The following NUP35 variants were observed in gnomAD, a reference collection of about 807,000 sequenced individuals.
NUP35 encodes nucleoporin 35.
A neutral mutation model predicts 41.5 loss-of-function variants in NUP35; 25 were observed. The ratio of observed to expected loss-of-function variants is 0.60; its 90% CI spans 0.44 to 0.84. NUP35 has a LOEUF of 0.84. Among genes scored for constraint, NUP35 ranks in the 40% least tolerant of loss-of-function variants. NUP35 has a pLI of 0.00. For missense variants in NUP35, 396 were observed against 396.6 expected, an observed-to-expected ratio of 1.00 and a Z score of 0.01; for synonymous variants, 149 against 130.7, an observed-to-expected ratio of 1.14 and a Z score of -0.96.
chr2:183,142,764 G>A (rs1162202714), intron 4 of NUP35, among the ~76,000 whole-genome samples: 1 of 151,928 alleles, frequency 6.6e-6, no homozygotes, highest in East Asian at 1.9e-4. Context: ...ACAGGTGTGA[G>A]CCACCATGCC....
intron 4 of NUP35, among the ~76,000 whole-genome samples, chr2:183,139,747 G>A (rs540316867): frequency 6.6e-6 from 1 of 152,330 alleles, no homozygotes; most frequent in Non-Finnish European, 1.5e-5. Flanking sequence ...GTCACCAAAA[G>A]GTGGAGGAGG....
chr2:183,156,864 A>G (rs1685683379), intron 5 of NUP35, among the ~76,000 whole-genome samples: 3 of 152,204 alleles, frequency 2.0e-5, no homozygotes, highest in African/African-American at 2.4e-5. Context: ...ACAGAACTTT[A>G]TAAAGAAGAA....
At chr2:183,142,146 A>G (rs928898815) in intron 4 of NUP35, among the ~76,000 whole-genome samples, 3 of 151,710 alleles carry the variant, frequency 2.0e-5, no homozygotes, top group Non-Finnish European at 2.9e-5. Context: ...AGAATTTATG[A>G]TATTTCTATG....
chr2:183,124,473 G>A lies in NUP35; in HGVS notation c.16G>A (p.Val6Met). The change falls in exon 1 of 9, where the codon GTG becomes ATG. Residue 6 changes from valine to methionine, a missense_variant. Coordinates refer to ENST00000295119, the MANE Select transcript of NUP35 (RefSeq NM_138285.5). MAAFA[V>M]EPQGPALGSE... is the part of the protein sequence containing the mutation. ...TGCCGACGCAATGGCAGCCTTTGCA[G>A]TGGAACCTCAGGGGCCCGCGTTAGG... The A allele has an allele frequency of 1.2e-6, 2 of 1,614,196 alleles. No homozygotes were observed. The highest frequency in any genetic ancestry group is 1.7e-6 in the Non-Finnish European group (2 of 1,180,018).
intron 4 of NUP35, among the ~76,000 whole-genome samples, chr2:183,135,021 G>A (rs1433085158): frequency 1.3e-5 from 2 of 152,040 alleles, no homozygotes; most frequent in East Asian, 3.8e-4. Flanking sequence ...CAGCAACTTT[G>A]TAACTCTTTG....
intron 4 of NUP35, among the ~76,000 whole-genome samples, chr2:183,144,693 G>C (rs1685215678): frequency 6.6e-6 from 1 of 152,136 alleles, no homozygotes; most frequent in African/African-American, 2.4e-5. Context: ...TGGTTTGATA[G>C]GCACACTTTA....
At chr2:183,150,509 C>T (rs142934462) in intron 4 of NUP35, among the ~76,000 whole-genome samples, 25 of 152,212 alleles carry the variant, frequency 1.6e-4, no homozygotes, top group African/African-American at 4.3e-4. Flanking sequence ...TGTTTTGCTT[C>T]CCTTGTCCTT....
chr2:183,145,040 T>C (rs544326807), intron 4 of NUP35, among the ~76,000 whole-genome samples: 1 of 152,296 alleles, frequency 6.6e-6, no homozygotes, highest in South Asian at 2.1e-4. Context: ...TTGTAGACTG[T>C]AGAAAATTTG....
At chr2:183,158,648 G>T (rs919712108) in intron 7 of NUP35, among the ~76,000 whole-genome samples, 1 of 152,062 alleles carries the variant, frequency 6.6e-6, no homozygotes, top group African/African-American at 2.4e-5. Flanking sequence ...AACTGAGAGG[G>T]CTTAAGTAAC....
At position 183,161,277 on chromosome 2, in the gene NUP35, A is replaced by G; in HGVS notation, c.*146A>G. The G allele has an allele frequency of 2.0e-6, 1 of 509,856 alleles. No individual in the cohort carries two copies. Among genetic ancestry groups the G allele is most frequent in the Non-Finnish European group, 3.6e-6 (1 of 280,352 alleles). 31.6% of individuals were successfully genotyped at this position (509,856 alleles called of 1,614,324 possible). On this transcript the variant is annotated 3_prime_UTR_variant, in exon 9 of 9. Coordinates refer to ENST00000295119, the MANE Select transcript of NUP35 (RefSeq NM_138285.5). Reference sequence around the variant, plus strand: ...AAGAAGCCTTTTTCATTAAGGATACAACCTATTTGTAGCTCGCACTTTAAA... The same window carrying G: ...AAGAAGCCTTTTTCATTAAGGATACGACCTATTTGTAGCTCGCACTTTAAA...
intron 5 of NUP35, among the ~76,000 whole-genome samples, chr2:183,153,538 G>A (rs1225139897): frequency 2.0e-5 from 3 of 152,098 alleles, no homozygotes; most frequent in Non-Finnish European, 4.4e-5. Context: ...AAATCCAGAG[G>A]GGCAGTCAAA....
At chr2:183,160,535 A>G (rs1373611021) in intron 8 of NUP35, 1 of 151,914 alleles carries the variant, frequency 6.6e-6, no homozygotes, top group African/African-American at 2.4e-5. Flanking sequence ...GGCACGTGCC[A>G]CCACGCCCAG....
intron 4 of NUP35, among the ~76,000 whole-genome samples, chr2:183,150,625 A>G (rs1430104009): frequency 6.6e-6 from 1 of 150,984 alleles, no homozygotes; most frequent in Non-Finnish European, 1.5e-5. Context: ...TCTCTGTAGG[A>G]TTTTTAGTTT....
intron 1 of NUP35, among the ~76,000 whole-genome samples, chr2:183,125,720 C>T (rs1230483831): frequency 6.6e-6 from 1 of 152,128 alleles, no homozygotes; most frequent in East Asian, 1.9e-4. Context: ...TGTGAGTAAA[C>T]CAATCCCTGT....
At chr2:183,139,051 G>C (rs1684992142) in intron 4 of NUP35, among the ~76,000 whole-genome samples, 1 of 151,970 alleles carries the variant, frequency 6.6e-6, no homozygotes, top group African/African-American at 2.4e-5. Context: ...TGTCTTCAGT[G>C]TTTACCCATC....
chr2:183,143,229 TAGC>T lies in NUP35; in HGVS notation c.398-8276_398-8274del, dbSNP rs563040411. On this transcript the variant is annotated intron_variant, in intron 4 of 8. Transcript: ENST00000295119. The stretch of plus-strand genomic sequence containing the variant: ...TAAAATGTCCTAGCAGTGAGGTTAA[TAGC>T]AGTCTTTTTTATTCTTGCTCTTATT... 3.6e-3 allele frequency among the ~76,000 whole-genome samples: 553 copies of T among 151,612 alleles called. 3 individuals carry two copies. The highest frequency in any genetic ancestry group is 0.013 in the African/African-American group (538 of 41,382).
intron 1 of NUP35, among the ~76,000 whole-genome samples, chr2:183,117,816 T>C (rs920938193): frequency 4.6e-5 from 7 of 152,154 alleles, no homozygotes; most frequent in African/African-American, 1.7e-4. Context: ...AGCAGTTTGG[T>C]GTGGATATAT....
At chr2:183,119,796 C>T (rs561323735), upstream of NUP35, among the ~76,000 whole-genome samples, 9 of 152,164 alleles carry the variant, frequency 5.9e-5, no homozygotes, top group Admixed American at 2.0e-4. Flanking sequence ...GTGATCCTCC[C>T]GCCTCAGCCT....
At chr2:183,133,286 A>G (rs972358382) in intron 3 of NUP35, among the ~76,000 whole-genome samples, 1 of 151,748 alleles carries the variant, frequency 6.6e-6, no homozygotes, top group Non-Finnish European at 1.5e-5. Context: ...GAAACTAAAA[A>G]CAAATAGTTA....
Sources: allele counts gnomAD v4.1 joint callset (sites outside exome capture counted in the v4.1 genomes callset), GRCh38; gene constraint gnomAD v4.1.1; transcripts MANE v1.5; gene names NCBI Gene and HGNC (gene_info 2026-07-23, HGNC 2026-07-21).